Variants in TIMP2 observed in about 807,000 individuals in gnomAD.
TIMP2 encodes metalloproteinase inhibitor 2.
A neutral mutation model predicts 24.3 loss-of-function variants in TIMP2; 5 were observed. That is an observed-to-expected ratio of 0.21 (90% CI 0.11 to 0.43). The LOEUF (loss-of-function observed/expected upper bound fraction) is 0.43. Ranked by LOEUF, TIMP2 falls within the 20% of genes least tolerant of loss-of-function variation. TIMP2 has a pLI of 1.00. For missense variants in TIMP2, 221 were observed against 297.5 expected, an observed-to-expected ratio of 0.74 and a Z score of 1.89; for synonymous variants, 130 against 123.2, an observed-to-expected ratio of 1.06 and a Z score of -0.37.
At chr17:78,878,468 C>T (rs1444541164) in intron 1 of TIMP2, among the ~76,000 whole-genome samples, 13 of 152,184 alleles carry the variant, frequency 8.5e-5, no homozygotes, top group East Asian at 3.9e-4. Context: ...CTCCCGCTCC[C>T]GTGGGTGAGG....
intron 1 of TIMP2, among the ~76,000 whole-genome samples, chr17:78,923,214 C>T (rs1462437670): frequency 2.6e-5 from 4 of 151,986 alleles, no homozygotes; most frequent in Admixed American, 1.3e-4. Context: ...GAGAGTGCTG[C>T]GCTGAGCATG....
rs796085617 is a variant in TIMP2, at chr17:78,872,826, CT to C, written c.231+992del. Among the ~76,000 whole-genome samples, 401 of 147,240 alleles carry C rather than the reference CT, an allele frequency of 2.7e-3. 9 individuals are homozygous for C. In the South Asian group the frequency reaches 0.041, roughly 15 times the overall value. On this transcript the variant is annotated intron_variant, in intron 2 of 4. Coordinates refer to ENST00000262768, the MANE Select transcript of TIMP2 (RefSeq NM_003255.5). ...TTCTGATAACATTGATTTTCAGCTACTTTTTTTTTTTTCTTTTTTTGAGATG... is the reference window on the plus strand; with the variant it reads ...TTCTGATAACATTGATTTTCAGCTACTTTTTTTTTTTCTTTTTTTGAGATG...
Position 78,882,125 on chromosome 17 carries a change from C to T in TIMP2, c.131-8206G>A, listed in dbSNP as rs993009497. On this transcript the variant is annotated intron_variant, in intron 1 of 4. Coordinates refer to ENST00000262768, the MANE Select transcript of TIMP2 (RefSeq NM_003255.5). ...GATTACAGGTGCCCGCCACCATGCC[C>T]GGCTGATTTTTATTTTGTGTATTTT... Among the ~76,000 whole-genome samples, 6 of 152,294 alleles carry T rather than the reference C, an allele frequency of 3.9e-5. No homozygotes were observed. In the South Asian group the frequency reaches 8.3e-4, roughly 21 times the overall value.
intron 1 of TIMP2, among the ~76,000 whole-genome samples, chr17:78,922,034 C>T (rs1393738760): frequency 6.6e-6 from 1 of 152,146 alleles, no homozygotes; most frequent in East Asian, 1.9e-4. Context: ...TTCTGAGACC[C>T]CTGGGTCACA....
chr17:78,887,017 C>A (rs1338389315), intron 1 of TIMP2, among the ~76,000 whole-genome samples: 1 of 152,178 alleles, frequency 6.6e-6, no homozygotes, highest in Non-Finnish European at 1.5e-5. Flanking sequence ...CCACCATGCC[C>A]AGCCTCGAAT....
In TIMP2 at chr17:78,924,744, A is replaced by C. The variant is rs2070335685; in HGVS notation, c.130+215T>G. Among the ~76,000 whole-genome samples the C allele has an allele frequency of 6.6e-6, 1 of 152,012 alleles. No individual in the cohort carries two copies. Among genetic ancestry groups the C allele is most frequent in the Admixed American group, 6.5e-5 (1 of 15,274 alleles). ...CGGTGGAATTTTGAGGTTGAGACGC[A>C]TCTCGGCAAAGAGAGGGAAAGAAAG... On this transcript the variant is annotated intron_variant, in intron 1 of 4. Coordinates refer to ENST00000262768, the MANE Select transcript of TIMP2 (RefSeq NM_003255.5). This position sits in a 1 kb window ranked among gnomAD's most constrained non-coding sequence, Gnocchi z 5.3.
chr17:78,892,589 G>T, intron 1 of TIMP2: 1 of 1,401,076 alleles, frequency 7.1e-7, no homozygotes, highest in Non-Finnish European at 9.5e-7. Flanking sequence ...AAGCTCTCTT[G>T]ACCCGTGCCC....
At chr17:78,907,371 T>C (rs2070169782) in intron 1 of TIMP2, among the ~76,000 whole-genome samples, 1 of 152,148 alleles carries the variant, frequency 6.6e-6, no homozygotes, top group African/African-American at 2.4e-5. Context: ...AATTTCAATA[T>C]TGTTGTGTCT....
intron 1 of TIMP2, among the ~76,000 whole-genome samples, chr17:78,886,094 C>T (rs1000882618): frequency 1.3e-5 from 2 of 152,196 alleles, no homozygotes; most frequent in Non-Finnish European, 2.9e-5. Context: ...TCCCCTTAGC[C>T]TTCTGCAGGA....
At chr17:78,887,860 A>G (rs1161725387) in intron 1 of TIMP2, among the ~76,000 whole-genome samples, 2 of 152,202 alleles carry the variant, frequency 1.3e-5, no homozygotes, top group African/African-American at 4.8e-5. Context: ...CATCAGAGAT[A>G]TAGTCCTCTT....
In TIMP2 at chr17:78,891,650, GCCC is replaced by G; in HGVS notation, c.131-17734_131-17732del. ...GGTCAGGGCTGGAACAAAGCAAACTGCCCCCTTTCCCAGTTGCCTCCTCCCCGC... is the reference window on the plus strand; with the variant it reads ...GGTCAGGGCTGGAACAAAGCAAACTGCCTTTCCCAGTTGCCTCCTCCCCGC... On this transcript the variant is annotated intron_variant, in intron 1 of 4. Coordinates refer to ENST00000262768, the MANE Select transcript of TIMP2 (RefSeq NM_003255.5). The surrounding 1 kb of genome is among the most constrained non-coding windows in gnomAD (Gnocchi z 4.5). 1 of 1,550,928 alleles carries G rather than the reference GCCC, an allele frequency of 6.4e-7. No individual in the cohort carries two copies. Among genetic ancestry groups the G allele is most frequent in the Non-Finnish European group, 8.7e-7 (1 of 1,147,092 alleles).
intron 1 of TIMP2, chr17:78,890,462 T>C: frequency 1.4e-6 from 1 of 705,672 alleles, no homozygotes; most frequent in Non-Finnish European, 2.2e-6. Flanking sequence ...GACCTCGGCC[T>C]CCCAAAGTGC....
At position 78,891,364 on chromosome 17, in the gene TIMP2, T is replaced by C. The variant is rs776241590; in HGVS notation, c.131-17445A>G. 22 of 1,550,470 alleles carry C rather than the reference T, an allele frequency of 1.4e-5. No individual in the cohort carries two copies. In the South Asian group the frequency reaches 2.5e-4, roughly 18 times the overall value. On this transcript the variant is annotated intron_variant, in intron 1 of 4. Coordinates refer to ENST00000262768, the MANE Select transcript of TIMP2 (RefSeq NM_003255.5). This position sits in a 1 kb window ranked among gnomAD's most constrained non-coding sequence, Gnocchi z 4.5. ...TCCCAGCGCCACACTCTTGCATCTC[T>C]GAGAAGGCATGCCCTTCCCCAGGTC...
Position 78,896,227 on chromosome 17 carries a change from C to A in TIMP2, c.131-22308G>T, listed in dbSNP as rs1213605604. 1.3e-5 allele frequency among the ~76,000 whole-genome samples: 2 copies of A among 152,202 alleles called. No homozygotes were observed. The highest frequency in any genetic ancestry group is 2.4e-5 in the African/African-American group (1 of 41,442). On this transcript the variant is annotated intron_variant, in intron 1 of 4. Coordinates refer to ENST00000262768, the MANE Select transcript of TIMP2 (RefSeq NM_003255.5). This position sits in a 1 kb window ranked among gnomAD's most constrained non-coding sequence, Gnocchi z 4.4. Reference sequence around the variant, plus strand: ...ACTTGAGGCAGAGGGCAGGGTCTCACGTGGACTTGTGCAGGCACTGGCAGG... The same window carrying A: ...ACTTGAGGCAGAGGGCAGGGTCTCAAGTGGACTTGTGCAGGCACTGGCAGG...
intron 1 of TIMP2, among the ~76,000 whole-genome samples, chr17:78,884,360 G>A (rs1026164356): frequency 6.6e-6 from 1 of 152,332 alleles, no homozygotes; most frequent in East Asian, 1.9e-4. Flanking sequence ...TGAGGTCCGG[G>A]CCCAGGCTTC....
chr17:78,893,800 CTT>C (rs2069956633), intron 1 of TIMP2, among the ~76,000 whole-genome samples: 1 of 152,072 alleles, frequency 6.6e-6, no homozygotes, highest in Admixed American at 6.5e-5. Flanking sequence ...TTCCAGGTCT[CTT>C]TGGCATCAGG....
chr17:78,878,704 G>A (rs1599152896), intron 1 of TIMP2, among the ~76,000 whole-genome samples: 2 of 151,940 alleles, frequency 1.3e-5, no homozygotes, highest in South Asian at 4.2e-4. Flanking sequence ...CGAGGAGGCC[G>A]CCAGATGCCT....
At chr17:78,914,328 G>C (rs2070236447) in intron 1 of TIMP2, among the ~76,000 whole-genome samples, 1 of 151,734 alleles carries the variant, frequency 6.6e-6, no homozygotes, top group African/African-American at 2.4e-5. Flanking sequence ...TCCCAGGCTG[G>C]ATGGAGTACG....
At chr17:78,883,907 A>G (rs1226891251) in intron 1 of TIMP2, among the ~76,000 whole-genome samples, 1 of 152,168 alleles carries the variant, frequency 6.6e-6, no homozygotes, top group Non-Finnish European at 1.5e-5. Flanking sequence ...CTGGTGGGCC[A>G]GCAGGTCTCA....
Sources: gnomAD v4.1 joint callset for allele counts (sites outside exome capture counted in the v4.1 genomes callset) on GRCh38, gnomAD v4.1.1 for gene constraint, Gnocchi (gnomAD v3.1) non-coding constraint, MANE v1.5 for transcripts, NCBI Gene and HGNC (gene_info 2026-07-23, HGNC 2026-07-21) for gene names.